The following CDH13 variants were observed in gnomAD, a reference collection of about 807,000 sequenced individuals.
CDH13 encodes cadherin-13.
In CDH13, 24 loss-of-function variants were observed where a neutral mutation model predicts 63.8. The ratio of observed to expected loss-of-function variants is 0.38; its 90% CI spans 0.27 to 0.53. CDH13 has a LOEUF of 0.53. CDH13 is among the 20% of genes least tolerant of loss of function. CDH13 has a pLI of 0.85. For synonymous variants in CDH13, 503 were observed against 355.3 expected (o/e 1.42, Z -4.67); for missense variants, 1,049 against 903.1 (o/e 1.16, Z -2.07).
intron 11 of CDH13, among the ~76,000 whole-genome samples, chr16:83,764,828 T>C (rs2150990732): frequency 6.6e-6 from 1 of 152,322 alleles, no homozygotes; most frequent in African/African-American, 2.4e-5. Context: ...GCCCTCGCAA[T>C]GGCCTCCATG....
chr16:83,275,635 C>T (rs2088963276), intron 5 of CDH13, among the ~76,000 whole-genome samples: 1 of 148,188 alleles, frequency 6.7e-6, no homozygotes, highest in African/African-American at 2.5e-5. Flanking sequence ...AGTAAAACCT[C>T]AGGAGTGAGC....
chr16:83,785,625 T>A lies in CDH13; in HGVS notation c.2134+2153T>A, dbSNP rs138340179. Among the ~76,000 whole-genome samples, 75 of 152,324 alleles carry A rather than the reference T, an allele frequency of 4.9e-4. 3 individuals are homozygous for A. The East Asian group carries it at 0.012, about 24-fold the overall frequency. ...GAATGTTCCCTTCGTGAGGGTATGC[T>A]GTCTGGGGCCTGGTTTGCTGAGTCA... On this transcript the variant is annotated intron_variant, in intron 13 of 13. Transcript: ENST00000567109.
In CDH13 at chr16:83,672,409, C is replaced by CTTTTTTTTTT. The variant is rs34156503; in HGVS notation, c.1284+1462_1284+1471dup. 1.8e-3 allele frequency among the ~76,000 whole-genome samples: 62 copies of CTTTTTTTTTT among 35,140 alleles called. 17 individuals carry two copies. The highest frequency in any genetic ancestry group is 3.2e-3 in the South Asian group (2 of 630). 23.1% of individuals were successfully genotyped at this position (35,140 alleles called of 152,430 possible). A position where few individuals can be genotyped will look rare whatever the true frequency, so the allele number is the denominator to read the frequency against. ...AGAGTGAGGCAGCTCTCTGGATTCT[C>CTTTTTTTTTT]TTTTTTTTTTTTTTTTTTTTTTTTT... On this transcript the variant is annotated intron_variant, in intron 9 of 13. Transcript: ENST00000567109.
chr16:83,580,822 T>G (rs1391325276), intron 7 of CDH13, among the ~76,000 whole-genome samples: 2 of 152,176 alleles, frequency 1.3e-5, no homozygotes, highest in Non-Finnish European at 2.9e-5. Context: ...ATTATTTTAC[T>G]TCTTTTATTT....
At chr16:83,079,936 G>A (rs962867074) in intron 3 of CDH13, among the ~76,000 whole-genome samples, 5 of 152,186 alleles carry the variant, frequency 3.3e-5, no homozygotes, top group African/African-American at 1.2e-4. Flanking sequence ...ATGTCAACTG[G>A]ATAAAGTTGA....
chr16:82,637,031 A>G (rs12597537), intron 1 of CDH13, among the ~76,000 whole-genome samples: 12,790 of 152,222 alleles, frequency 0.084, 670 homozygotes, highest in East Asian at 0.24. Context: ...GGTTCAAGTG[A>G]GTAAAAAGAT....
intron 5 of CDH13, among the ~76,000 whole-genome samples, chr16:83,267,609 G>C (rs1381334330): frequency 6.6e-6 from 1 of 152,088 alleles, no homozygotes; most frequent in African/African-American, 2.4e-5. Flanking sequence ...TGTTACCGCG[G>C]GAGTGGGCTC....
intron 6 of CDH13, among the ~76,000 whole-genome samples, chr16:83,453,225 G>T (rs2072929750): frequency 6.6e-6 from 1 of 152,076 alleles, no homozygotes; most frequent in Non-Finnish European, 1.5e-5. Context: ...GGAAAGGGTG[G>T]GTAGTGTATG....
chr16:83,788,702 C>T (rs1415323085), intron 13 of CDH13, among the ~76,000 whole-genome samples: 1 of 152,180 alleles, frequency 6.6e-6, no homozygotes, highest in Non-Finnish European at 1.5e-5. Context: ...TGATAAAAGA[C>T]AGGCACAGGT....
chr16:83,747,109 A>G (rs1912653436), intron 10 of CDH13, among the ~76,000 whole-genome samples: 1 of 152,222 alleles, frequency 6.6e-6, no homozygotes, highest in Admixed American at 6.5e-5. Context: ...TTAGTGTCGC[A>G]TATGGGCTAA....
At chr16:83,461,471 C>G (rs1014670567) in intron 6 of CDH13, among the ~76,000 whole-genome samples, 1 of 152,148 alleles carries the variant, frequency 6.6e-6, no homozygotes, top group Non-Finnish European at 1.5e-5. Context: ...AAGATGAAAT[C>G]TTCCCCTTGA....
intron 2 of CDH13, among the ~76,000 whole-genome samples, chr16:83,029,654 G>A (rs1208461870): frequency 6.6e-6 from 1 of 152,138 alleles, no homozygotes; most frequent in African/African-American, 2.4e-5. Flanking sequence ...TAGATGCCAT[G>A]CAAATGCAGG....
intron 2 of CDH13, among the ~76,000 whole-genome samples, chr16:82,963,656 C>T (rs1020030720): frequency 2.0e-5 from 3 of 152,276 alleles, no homozygotes; most frequent in Middle Eastern, 3.4e-3. Flanking sequence ...GGGGAGAGAG[C>T]GCATATCTGC....
At chr16:83,259,373 T>C (rs1385843090) in intron 5 of CDH13, among the ~76,000 whole-genome samples, 1 of 152,160 alleles carries the variant, frequency 6.6e-6, no homozygotes, top group African/African-American at 2.4e-5. Flanking sequence ...GGTTAGATGG[T>C]GCTGCTTGGA....
At chr16:82,746,835 A>G (rs1176763163) in intron 1 of CDH13, among the ~76,000 whole-genome samples, 1 of 152,182 alleles carries the variant, frequency 6.6e-6, no homozygotes, top group Non-Finnish European at 1.5e-5. Context: ...TTTTGGTGTG[A>G]TAGAGATTTT....
At chr16:82,867,572 G>A (rs939431351) in intron 2 of CDH13, among the ~76,000 whole-genome samples, 1 of 152,134 alleles carries the variant, frequency 6.6e-6, no homozygotes, top group Non-Finnish European at 1.5e-5. Flanking sequence ...TTGGTTAGCA[G>A]CCAGGTCCTC....
At chr16:83,774,818 G>A (rs1914996151) in intron 11 of CDH13, among the ~76,000 whole-genome samples, 1 of 152,220 alleles carries the variant, frequency 6.6e-6, no homozygotes. Context: ...ATGGGTCAGA[G>A]TTTCAGTTTT....
intron 6 of CDH13, among the ~76,000 whole-genome samples, chr16:83,437,592 A>T (rs1316880769): frequency 1.3e-5 from 2 of 151,924 alleles, no homozygotes; most frequent in East Asian, 3.9e-4. Context: ...CAGGAGAATC[A>T]CTTGAACCCA....
At chr16:82,721,099 AT>A (rs1423282227) in intron 1 of CDH13, among the ~76,000 whole-genome samples, 1 of 152,174 alleles carries the variant, frequency 6.6e-6, no homozygotes, top group Non-Finnish European at 1.5e-5. Context: ...TGCTCAGTTA[AT>A]TTATTCAATG....
Sources: allele counts gnomAD v4.1 joint callset (sites outside exome capture counted in the v4.1 genomes callset), GRCh38; gene constraint gnomAD v4.1.1; transcripts MANE v1.5; gene names NCBI Gene and HGNC (gene_info 2026-07-23, HGNC 2026-07-21).